TMEM163: variants seen among roughly 807,000 people sequenced by gnomAD.
The protein encoded by TMEM163 is transmembrane protein 163.
A neutral mutation model predicts 29.3 loss-of-function variants in TMEM163; 17 were observed. The ratio of observed to expected loss-of-function variants is 0.58; its 90% CI spans 0.40 to 0.87. The LOEUF is 0.87. Among genes scored for constraint, TMEM163 ranks in the 40% least tolerant of loss-of-function variants. The pLI is 0.00. For synonymous variants in TMEM163, 157 were observed against 160.6 expected, an observed-to-expected ratio of 0.98 and a Z score of 0.17; for missense variants, 303 against 381.5, an observed-to-expected ratio of 0.79 and a Z score of 1.71.
At chr2:134,466,422 A>C in intron 5 of TMEM163, 197 bp from the exon 6 acceptor site, 1 of 555,238 alleles carries the variant, frequency 1.8e-6, no homozygotes, top group Non-Finnish European at 3.2e-6. Flanking sequence ...AAAACAGATA[A>C]TCCCAATTTA....
At chr2:134,600,915 T>A (rs1682214731) in intron 2 of TMEM163, among the ~76,000 whole-genome samples, 1 of 152,096 alleles carries the variant, frequency 6.6e-6, no homozygotes, top group African/African-American at 2.4e-5. Flanking sequence ...AAAGACAACT[T>A]TAGGTCTCAG....
intron 5 of TMEM163, among the ~76,000 whole-genome samples, chr2:134,490,295 G>C (rs1679402424): frequency 6.6e-6 from 1 of 152,152 alleles, no homozygotes; most frequent in South Asian, 2.1e-4. Flanking sequence ...AGCGGTAGTG[G>C]GGAAGTGTCA....
chr2:134,617,834 A>AG (rs1243520431), intron 2 of TMEM163, among the ~76,000 whole-genome samples: 2 of 152,168 alleles, frequency 1.3e-5, no homozygotes, highest in Non-Finnish European at 2.9e-5. Flanking sequence ...GGCCTCAGCC[A>AG]GGCACAGTGG....
intron 2 of TMEM163, among the ~76,000 whole-genome samples, chr2:134,567,251 T>C (rs964200457): frequency 6.6e-6 from 1 of 152,242 alleles, no homozygotes; most frequent in Non-Finnish European, 1.5e-5. Flanking sequence ...ATGTGGTTCC[T>C]TGCCATCACT....
At chr2:134,630,595 C>T (rs142271346) in intron 2 of TMEM163, among the ~76,000 whole-genome samples, 5 of 152,290 alleles carry the variant, frequency 3.3e-5, no homozygotes, top group Admixed American at 6.5e-5. Context: ...ATCCCCTGCA[C>T]TCTTGGAGAG....
chr2:134,715,086 G>C (rs1459108764), intron 1 of TMEM163, among the ~76,000 whole-genome samples: 2 of 152,190 alleles, frequency 1.3e-5, no homozygotes, highest in African/African-American at 2.4e-5. Context: ...CAGTTTGTTT[G>C]CTAGGTATTT....
At chr2:134,692,416 G>A (rs1422852648) in intron 2 of TMEM163, among the ~76,000 whole-genome samples, 1 of 152,154 alleles carries the variant, frequency 6.6e-6, no homozygotes, top group Non-Finnish European at 1.5e-5. Context: ...CCTACCCCAA[G>A]AGAAGTCATT....
chr2:134,610,393 A>T (rs1017679304), intron 2 of TMEM163, among the ~76,000 whole-genome samples: 1 of 152,188 alleles, frequency 6.6e-6, no homozygotes, highest in Non-Finnish European at 1.5e-5. Context: ...TCTCAGCGTG[A>T]TCCGAGTCAG....
intron 4 of TMEM163, among the ~76,000 whole-genome samples, chr2:134,514,304 G>A (rs1262161535): frequency 6.6e-6 from 1 of 151,674 alleles, no homozygotes; most frequent in Non-Finnish European, 1.5e-5. Context: ...CAAAGTCGGG[G>A]GTGTCAATCT....
intron 2 of TMEM163, among the ~76,000 whole-genome samples, chr2:134,694,406 G>A (rs1425289531): frequency 6.6e-6 from 1 of 152,182 alleles, no homozygotes; most frequent in Non-Finnish European, 1.5e-5. Flanking sequence ...GAATGGCACT[G>A]CCCATACTGG....
At chr2:134,660,151 G>A (rs1683716199) in intron 2 of TMEM163, among the ~76,000 whole-genome samples, 1 of 152,092 alleles carries the variant, frequency 6.6e-6, no homozygotes, top group African/African-American at 2.4e-5. Context: ...TAGGTGGGGG[G>A]CAGACCATTC....
chr2:134,529,484 C>T (rs547785685), intron 4 of TMEM163, among the ~76,000 whole-genome samples: 4 of 151,682 alleles, frequency 2.6e-5, no homozygotes, highest in African/African-American at 9.7e-5. Context: ...CATGGTGGCT[C>T]ACATCTGTAA....
chr2:134,526,538 T>C (rs1425655659), intron 4 of TMEM163, among the ~76,000 whole-genome samples: 1 of 152,222 alleles, frequency 6.6e-6, no homozygotes, highest in East Asian at 1.9e-4. Flanking sequence ...GCATATAGTT[T>C]ATGAGGCTTC....
At chr2:134,557,911 C>G (rs1681084124) in intron 2 of TMEM163, among the ~76,000 whole-genome samples, 1 of 152,098 alleles carries the variant, frequency 6.6e-6, no homozygotes, top group African/African-American at 2.4e-5. Flanking sequence ...CTTGACTTTT[C>G]CCTTTAGATT....
Position 134,668,025 on chromosome 2 carries a change from A to C in TMEM163, c.322+45175T>G, listed in dbSNP as rs1002097879. Among the ~76,000 whole-genome samples the C allele has an allele frequency of 2.0e-5, 3 of 152,150 alleles. 1 individual carries two copies. Among genetic ancestry groups the C allele is most frequent in the Non-Finnish European group, 1.5e-5 (1 of 68,028 alleles). ...ATCCAGCCCTGCCGAGGGCAGCAAG[A>C]CCTGCTGGGCCTCGCTTTCTGCATC... On this transcript the variant is annotated intron_variant, in intron 2 of 7. Transcript: ENST00000281924.
At chr2:134,707,167 T>C (rs927190064) in intron 2 of TMEM163, among the ~76,000 whole-genome samples, 1 of 152,166 alleles carries the variant, frequency 6.6e-6, no homozygotes, top group Non-Finnish European at 1.5e-5. Context: ...AGCCGGACGC[T>C]AGGCAGGAAA....
intron 2 of TMEM163, among the ~76,000 whole-genome samples, chr2:134,600,374 G>A (rs983591207): frequency 6.6e-6 from 1 of 152,166 alleles, no homozygotes; most frequent in South Asian, 2.1e-4. Context: ...AGGAAGGGAA[G>A]GGAATCTAAT....
intron 6 of TMEM163, chr2:134,459,002 A>AG (rs1053494393): frequency 1.3e-5 from 2 of 152,164 alleles, no homozygotes; most frequent in Non-Finnish European, 2.9e-5. Context: ...CCACATGGGA[A>AG]GGGAAGGGAA....
Position 134,619,612 on chromosome 2 carries a change from A to G in TMEM163, c.323-67521T>C, listed in dbSNP as rs184182011. 3.3e-5 allele frequency among the ~76,000 whole-genome samples: 5 copies of G among 152,330 alleles called. No homozygotes were observed. The East Asian group carries it at 9.6e-4, about 29-fold the overall frequency. On this transcript the variant is annotated intron_variant, in intron 2 of 7. Coordinates refer to ENST00000281924, the MANE Select transcript of TMEM163 (RefSeq NM_030923.5). ...ATCTATGAGAAACCTACAGCTAAAT[A>G]ATACCTAACAGTTAAAAACTAGTTT...
Sources: allele counts gnomAD v4.1 joint callset (sites outside exome capture counted in the v4.1 genomes callset), GRCh38; gene constraint gnomAD v4.1.1; transcripts MANE v1.5; gene names NCBI Gene and HGNC (gene_info 2026-07-23, HGNC 2026-07-21).